Variants in DCAF16 observed in about 807,000 individuals in gnomAD.
DCAF16 encodes DDB1- and CUL4-associated factor 16.
Under a neutral mutation model 17.3 loss-of-function variants are expected in DCAF16, and 10 were observed. That is an observed-to-expected ratio of 0.58 (90% CI 0.36 to 0.98). The LOEUF (loss-of-function observed/expected upper bound fraction) is 0.98, where lower values mean the gene tolerates loss of function less well. Ranked by LOEUF, DCAF16 falls within the 50% of genes least tolerant of loss-of-function variation. DCAF16 has a pLI of 0.01. For missense variants in DCAF16, 249 were observed against 247.6 expected (o/e 1.01, Z -0.04); for synonymous variants, 111 against 92.8 (o/e 1.20, Z -1.12).
chr4:17,795,605 A>C, the DCAF16 span, among the ~76,000 whole-genome samples: 1 of 152,008 alleles, frequency 6.6e-6, no homozygotes, highest in Non-Finnish European at 1.5e-5. Context: ...TAATACATCT[A>C]CTGAATGTTT....
chr4:17,795,734 T>C (rs1007203273), downstream of DCAF16, among the ~76,000 whole-genome samples: 3 of 152,248 alleles, frequency 2.0e-5, no homozygotes, highest in Admixed American at 1.3e-4. Context: ...TCACAGCTTC[T>C]TTATGTTCAT....
rs145100295 is a variant in DCAF16, at chr4:17,810,109, A to G, written c.-750+338T>C. Among the ~76,000 whole-genome samples the G allele has an allele frequency of 6.7e-3, 1,017 of 152,256 alleles. 16 individuals carry two copies. The highest frequency in any genetic ancestry group is 0.024 in the African/African-American group (979 of 41,512). On this transcript the variant is annotated intron_variant, in intron 1 of 2. Transcript: ENST00000382247. ...AGGGTGGCATATTTTGGTCTCCTACAGTCCTATTTTTGGATGGTGCATCCT... is the reference window on the plus strand; with the variant it reads ...AGGGTGGCATATTTTGGTCTCCTACGGTCCTATTTTTGGATGGTGCATCCT...
the DCAF16 span, among the ~76,000 whole-genome samples, chr4:17,795,375 AG>A: frequency 0.09 from 13,713 of 152,216 alleles, 1,148 homozygotes; most frequent in African/African-American, 0.22. Context: ...TTCATTTCAC[AG>A]GGCACTTAGT....
At position 17,803,939 on chromosome 4, in the gene DCAF16, G is replaced by A. The variant is rs1247118590; in HGVS notation, c.203C>T (p.Pro68Leu). ...ATACAACCAGGAATTAGGATTTAAA[G>A]GTTTCCAAGTTGTGGAATATTTTAA... ...CLLKYSTTWK[P>L]LNPNSWLYHA... Residue 68 changes from proline (P) to leucine (L), a missense_variant, in exon 3 of 3, where the codon CCT becomes CTT. Physicochemically the swap from Pro to Leu is moderately conservative, Grantham distance 98. Coordinates refer to ENST00000382247, the MANE Select transcript of DCAF16 (RefSeq NM_017741.4). The A allele has an allele frequency of 6.2e-7, 1 of 1,614,132 alleles. No homozygotes were observed. The highest frequency in any genetic ancestry group is 8.5e-7 in the Non-Finnish European group (1 of 1,180,028).
intron 1 of DCAF16, among the ~76,000 whole-genome samples, chr4:17,807,375 T>G (rs1045926260): frequency 6.6e-6 from 1 of 152,230 alleles, no homozygotes; most frequent in Non-Finnish European, 1.5e-5. Flanking sequence ...TCCCAAGGCA[T>G]GAACAATATG....
chr4:17,793,448 A>G, the DCAF16 span, among the ~76,000 whole-genome samples: 1 of 152,230 alleles, frequency 6.6e-6, no homozygotes, highest in Non-Finnish European at 1.5e-5. Context: ...TACACACAGA[A>G]TGTTTATTAT....
downstream of DCAF16, among the ~76,000 whole-genome samples, chr4:17,796,148 C>T (rs1015479945): frequency 1.2e-4 from 18 of 152,164 alleles, no homozygotes; most frequent in African/African-American, 4.3e-4. Flanking sequence ...AGCTGCCTGC[C>T]TACAAAAGAA....
intron 1 of DCAF16, among the ~76,000 whole-genome samples, chr4:17,806,971 GA>G (rs1400399910): frequency 2.6e-5 from 4 of 151,738 alleles, no homozygotes; most frequent in African/African-American, 9.7e-5. Flanking sequence ...CTCATTATAT[GA>G]AAAAAAGTAA....
intron 1 of DCAF16, among the ~76,000 whole-genome samples, chr4:17,808,491 T>C (rs1037739493): frequency 1.7e-4 from 26 of 152,202 alleles, no homozygotes; most frequent in African/African-American, 6.3e-4. Context: ...ATGTAAGCTT[T>C]AAGGCAGTAT....
downstream of DCAF16, among the ~76,000 whole-genome samples, chr4:17,798,786 G>C (rs1202705939): frequency 1.3e-5 from 2 of 152,108 alleles, no homozygotes; most frequent in Non-Finnish European, 2.9e-5. Flanking sequence ...GCTGCTAATT[G>C]AAAGGAAGAG....
chr4:17,801,097 T>C lies in DCAF16; in HGVS notation c.*2394A>G, dbSNP rs1228124302. 1.3e-5 allele frequency: 2 copies of C among 152,120 alleles called. No homozygotes were observed. Among genetic ancestry groups the C allele is most frequent in the Non-Finnish European group, 2.9e-5 (2 of 68,004 alleles). 9.4% of individuals were successfully genotyped at this position (152,120 alleles called of 1,614,324 possible). A position where few individuals can be genotyped will look rare whatever the true frequency, so the allele number is the denominator to read the frequency against. On this transcript the variant is annotated 3_prime_UTR_variant, in exon 3 of 3. Transcript: ENST00000382247. Reference sequence around the variant, plus strand: ...GGTTATAAGCATTCTTCTCTCTTCTTAAAGTTGCTATATATTTACACAATT... The same window carrying C: ...GGTTATAAGCATTCTTCTCTCTTCTCAAAGTTGCTATATATTTACACAATT...
At chr4:17,808,857 C>A (rs547622275) in intron 1 of DCAF16, among the ~76,000 whole-genome samples, 1 of 152,136 alleles carries the variant, frequency 6.6e-6, no homozygotes, top group Non-Finnish European at 1.5e-5. Context: ...GGCGAAACCC[C>A]GTCTCTATTA....
At chr4:17,795,174 T>A in the DCAF16 span, among the ~76,000 whole-genome samples, 7 of 152,360 alleles carry the variant, frequency 4.6e-5, no homozygotes, top group East Asian at 1.4e-3. Flanking sequence ...AAATCATTTC[T>A]TTTTAAATTT....
the DCAF16 span, among the ~76,000 whole-genome samples, chr4:17,794,401 A>G: frequency 3.3e-5 from 5 of 152,108 alleles, no homozygotes; most frequent in Non-Finnish European, 7.4e-5. Flanking sequence ...CAGGTGTGAA[A>G]TTCTCCATTT....
rs1329318536 is a variant in DCAF16 at position 17,804,623 on chromosome 4, G to A, written c.-482C>T. ...CTTGTCCGCTGGTATAGCAACTTTT[G>A]TGCAGGGGGGAATGACGGGATGAGC... On this transcript the variant is annotated 5_prime_UTR_variant, in exon 3 of 3. Transcript: ENST00000382247. 1 of 176,942 alleles carries A rather than the reference G, an allele frequency of 5.7e-6. No homozygotes were observed. Among genetic ancestry groups the A allele is most frequent in the Non-Finnish European group, 1.4e-5 (1 of 73,912 alleles). 11.0% of individuals were successfully genotyped at this position (176,942 alleles called of 1,614,324 possible).
chr4:17,796,086 G>T (rs1719413347), downstream of DCAF16, among the ~76,000 whole-genome samples: 1 of 152,172 alleles, frequency 6.6e-6, no homozygotes, highest in African/African-American at 2.4e-5. Context: ...TTCTAAGTCT[G>T]TTTGGTTTAA....
At chr4:17,795,206 T>C in the DCAF16 span, among the ~76,000 whole-genome samples, 70 of 152,348 alleles carry the variant, frequency 4.6e-4, no homozygotes, top group East Asian at 0.013. Context: ...TTTCATAGTC[T>C]TTCCGCATCC....
chr4:17,801,969 G>C lies in DCAF16; in HGVS notation c.*1522C>G, dbSNP rs924455517. 1 of 152,344 alleles carries C rather than the reference G, an allele frequency of 6.6e-6. No individual in the cohort carries two copies. The highest frequency in any genetic ancestry group is 2.4e-5 in the African/African-American group (1 of 41,392). 9.4% of individuals were successfully genotyped at this position (152,344 alleles called of 1,614,324 possible). On this transcript the variant is annotated 3_prime_UTR_variant, in exon 3 of 3. Transcript: ENST00000382247. ...ATACAAAAAAATAGCCAGGAGTGGT[G>C]GTGGACGCCTGTAGTCCCAGCTATT... is the stretch of plus-strand genomic sequence containing the variant.
chr4:17,796,234 C>A (rs974116669), downstream of DCAF16, among the ~76,000 whole-genome samples: 12 of 152,166 alleles, frequency 7.9e-5, no homozygotes, highest in African/African-American at 2.7e-4. Flanking sequence ...GTACCTTGTG[C>A]CTTTAAATCC....
Sources: allele counts gnomAD v4.1 joint callset (sites outside exome capture counted in the v4.1 genomes callset), GRCh38; gene constraint gnomAD v4.1.1; transcripts MANE v1.5; gene names NCBI Gene and HGNC (gene_info 2026-07-23, HGNC 2026-07-21).